Variants in COQ9 observed in about 807,000 individuals in gnomAD.
COQ9 encodes the protein ubiquinone biosynthesis protein COQ9, mitochondrial.
In COQ9, 35 loss-of-function variants were observed where a neutral mutation model predicts 42.4. The ratio of observed to expected loss-of-function variants is 0.83; its 90% CI spans 0.63 to 1.10. The LOEUF (loss-of-function observed/expected upper bound fraction) is 1.10, where lower values mean the gene tolerates loss of function less well. Ranked by LOEUF, COQ9 falls within the 50% of genes least tolerant of loss-of-function variation. COQ9 has a pLI of 0.00. For missense variants in COQ9, 406 were observed against 414.6 expected (o/e 0.98, Z 0.18); for synonymous variants, 155 against 155.1 (o/e 1.00, Z 0.00).
chr16:57,460,438 A>T (rs1439652434), intron 8 of COQ9, 151 bp from the exon 9 acceptor site: 2 of 766,608 alleles, frequency 2.6e-6, no homozygotes, highest in African/African-American at 3.5e-5. Flanking sequence ...TGAGCCCAGG[A>T]GTTTGAGGAC....
chr16:57,458,994 C>T lies in COQ9; in HGVS notation c.712-571C>T, dbSNP rs77733301. ...TGTGGGAATATAATGCCAACAGAGA[C>T]GGTAGGAAAATGAAATTAGAAAGCA... On this transcript the variant is annotated intron_variant, in intron 6 of 8. Coordinates refer to ENST00000262507, the MANE Select transcript of COQ9 (RefSeq NM_020312.4). 1.7e-3 allele frequency among the ~76,000 whole-genome samples: 258 copies of T among 152,180 alleles called. 1 individual carries two copies. The highest frequency in any genetic ancestry group is 0.016 in the East Asian group (82 of 5,188).
Position 57,447,485 on chromosome 16 carries a change from G to T in COQ9, c.-21G>T. ...CGTAGCTACCGGTCGCGTCGCCGTG[G>T]GCGACGTGCCCGCTTCCAAAATGGC... On this transcript the variant is annotated 5_prime_UTR_variant, in exon 1 of 9. Transcript: ENST00000262507. The T allele has an allele frequency of 7.8e-7, 1 of 1,284,616 alleles. No individual in the cohort carries two copies. The allele number at this position is 1,284,616 out of a possible 1,614,324, so 79.6% of individuals were successfully genotyped here.
At chr16:57,454,261 A>T (rs1317156568) in intron 3 of COQ9, 2 of 152,248 alleles carry the variant, frequency 1.3e-5, no homozygotes, top group Admixed American at 6.5e-5. Context: ...ATTGACTCTA[A>T]GATGCCATTG....
intron 3 of COQ9, 123 bp from the exon 4 acceptor site, chr16:57,456,381 A>G (rs534347973): frequency 6.9e-6 from 8 of 1,158,340 alleles, no homozygotes; most frequent in Non-Finnish European, 1.0e-5. Context: ...CACCAAAATC[A>G]CATGGACCCA....
intron 3 of COQ9, among the ~76,000 whole-genome samples, chr16:57,455,339 A>G (rs1333815386): frequency 7.1e-6 from 1 of 140,484 alleles, no homozygotes; most frequent in Non-Finnish European, 1.5e-5. Context: ...CAGCTGGACT[A>G]GAGATACACA....
chr16:57,459,886 T>G (rs1306784786), intron 7 of COQ9, among the ~76,000 whole-genome samples, 165 bp from the exon 8 acceptor site: 1 of 56,170 alleles, frequency 1.8e-5, no homozygotes, highest in Non-Finnish European at 3.4e-5. Flanking sequence ...GAGCCACACT[T>G]TGCTCATTTG....
chr16:57,456,763 G>A, intron 4 of COQ9, 117 bp downstream of exon 4: 3 of 1,383,966 alleles, frequency 2.2e-6, no homozygotes, highest in Non-Finnish European at 3.0e-6. Context: ...GCATTGGGCA[G>A]CCCTGCTGCT....
intron 5 of COQ9, chr16:57,457,983 C>G: frequency 2.1e-6 from 1 of 484,934 alleles, no homozygotes; most frequent in Non-Finnish European, 3.8e-6. Flanking sequence ...TCTAGACCCT[C>G]TGGCCCTCTG....
intron 2 of COQ9, among the ~76,000 whole-genome samples, chr16:57,452,367 C>T (rs1168729412): frequency 2.6e-5 from 4 of 152,328 alleles, no homozygotes; most frequent in East Asian, 3.9e-4. Context: ...ACTGGCTGGG[C>T]GCGGTGGCTC....
At chr16:57,449,120 C>T (rs487372) in intron 1 of COQ9, among the ~76,000 whole-genome samples, 73,423 of 151,892 alleles carry the variant, frequency 0.48, 18,157 homozygotes, top group Non-Finnish European at 0.54. Context: ...CAGGTGGGGA[C>T]TCAGTAGAGT....
chr16:57,448,829 A>G (rs1403521659), intron 1 of COQ9, among the ~76,000 whole-genome samples: 2 of 152,200 alleles, frequency 1.3e-5, no homozygotes, highest in African/African-American at 4.8e-5. Flanking sequence ...AGTTAGTACA[A>G]GTATATTCAT....
At chr16:57,453,374 A>T in intron 3 of COQ9, 2 of 252,648 alleles carry the variant, frequency 7.9e-6, no homozygotes, top group Non-Finnish European at 1.6e-5. Flanking sequence ...GTGTTTGAAA[A>T]CCCCCAAGAA....
chr16:57,459,245 GGCTT>G (rs1360368471), intron 6 of COQ9, among the ~76,000 whole-genome samples: 48 of 152,322 alleles, frequency 3.2e-4, no homozygotes, highest in African/African-American at 1.1e-3. Flanking sequence ...TTAAGATGTA[GGCTT>G]TCTACTAGCA....
chr16:57,453,234 G>A (rs1428143003), intron 3 of COQ9: 4 of 472,610 alleles, frequency 8.5e-6, no homozygotes, highest in Non-Finnish European at 1.2e-5. Context: ...GTTGTAAGAA[G>A]CATCATTTTT....
intron 1 of COQ9, 146 bp downstream of exon 1, chr16:57,447,724 G>A (rs1281276254): frequency 1.6e-6 from 1 of 623,414 alleles, no homozygotes; most frequent in East Asian, 3.5e-5. Context: ...GGGCTCGGGC[G>A]AGCCGCCTGG....
chr16:57,453,399 G>C (rs2030334380), intron 3 of COQ9: 1 of 268,712 alleles, frequency 3.7e-6, no homozygotes, highest in African/African-American at 2.2e-5. Context: ...CCACTTTGGA[G>C]ACCAACACAT....
At chr16:57,456,790 C>G in intron 4 of COQ9, 141 bp from the exon 5 acceptor site, 1 of 1,325,832 alleles carries the variant, frequency 7.5e-7, no homozygotes, top group East Asian at 2.4e-5. Context: ...GGACTGAAAC[C>G]TGGCAGCCTG....
rs1373825266 is a variant in COQ9, at chr16:57,458,228, C to T, written c.607-18C>T. ...TTACCTGTGAGCAGAGCTTACTCCT[C>T]TGCCATTCTCTCTCCAGGCCCTCAG... On this transcript the variant is annotated intron_variant, in intron 5 of 8. Transcript: ENST00000262507. The T allele has an allele frequency of 1.3e-6, 2 of 1,578,554 alleles. No homozygotes were observed. Among genetic ancestry groups the T allele is most frequent in the Non-Finnish European group, 1.7e-6 (2 of 1,155,042 alleles).
At position 57,458,295 on chromosome 16, in the gene COQ9, T is replaced by C. The variant is rs1270913196; in HGVS notation, c.656T>C (p.Leu219Pro). 1 of 1,613,024 alleles carries C rather than the reference T, an allele frequency of 6.2e-7. No homozygotes were observed. ...CACAACATCCCGTCCAGCCTGAGCC[T>C]GCTCACCAGCATGGTGGATGACATG... ...LPHNIPSSLS[L>P]LTSMVDDMWH... Residue 219 changes from leucine (L) to proline (P), a missense_variant, in exon 6 of 9, where the codon CTG becomes CCG. Physicochemically the swap from Leu to Pro is moderately conservative, Grantham distance 98 (BLOSUM62 -3). Transcript: ENST00000262507.
Sources: gnomAD v4.1 joint callset for allele counts (sites outside exome capture counted in the v4.1 genomes callset) on GRCh38, gnomAD v4.1.1 for gene constraint, MANE v1.5 for transcripts, NCBI Gene and HGNC (gene_info 2026-07-23, HGNC 2026-07-21) for gene names.